The following IPO11 variants were observed in gnomAD, a reference collection of about 807,000 sequenced individuals.
The protein encoded by IPO11 is importin 11, also known as importin-11.
Under a neutral mutation model 143.2 loss-of-function variants are expected in IPO11, and 66 were observed. The observed-to-expected ratio is 0.46, with a 90% CI of 0.38 to 0.57. The LOEUF is 0.57. Among genes scored for constraint, IPO11 ranks in the 20% least tolerant of loss-of-function variants. IPO11 has a pLI of 0.00. For synonymous variants in IPO11, 385 were observed against 377.8 expected, an observed-to-expected ratio of 1.02 and a Z score of -0.22; for missense variants, 1,026 against 1,141.0, an observed-to-expected ratio of 0.90 and a Z score of 1.45.
At chr5:62,429,624 G>A (rs1300694552) in intron 1 of IPO11, among the ~76,000 whole-genome samples, 1 of 145,638 alleles carries the variant, frequency 6.9e-6, no homozygotes, top group African/African-American at 2.7e-5. Context: ...GTGTGTGTGT[G>A]TGTATGTGTT....
chr5:62,481,051 G>T (rs181702229), intron 9 of IPO11, among the ~76,000 whole-genome samples: 132 of 151,424 alleles, frequency 8.7e-4, no homozygotes, highest in African/African-American at 3.1e-3. Flanking sequence ...GAGTAGCTGG[G>T]ACTACAGGCA....
chr5:62,420,468 A>T (rs1743473032), intron 1 of IPO11, among the ~76,000 whole-genome samples: 1 of 152,034 alleles, frequency 6.6e-6, no homozygotes, highest in African/African-American at 2.4e-5. Flanking sequence ...GAGTAATGTG[A>T]TTTACTACGA....
intron 24 of IPO11, among the ~76,000 whole-genome samples, chr5:62,537,848 T>G (rs1422116451): frequency 1.3e-5 from 2 of 151,998 alleles, no homozygotes; most frequent in African/African-American, 4.8e-5. Context: ...TATATTTACA[T>G]ATAAACATAA....
rs565436215 is a variant in IPO11 at position 62,582,042 on chromosome 5, G to A, written c.2583-9535G>A. 6.6e-5 allele frequency among the ~76,000 whole-genome samples: 10 copies of A among 152,280 alleles called. No individual in the cohort carries two copies. In the South Asian group the frequency reaches 1.7e-3, roughly 25 times the overall value. ...GCTGGTGTCGTGAATGATGGTGTGC[G>A]ATTTAAAGCCCGAAAGAGAGATCAG... On this transcript the variant is annotated intron_variant, in intron 27 of 29. Coordinates refer to ENST00000325324, the MANE Select transcript of IPO11 (RefSeq NM_016338.5).
intron 27 of IPO11, among the ~76,000 whole-genome samples, chr5:62,582,145 GA>G (rs958500311): frequency 2.0e-5 from 3 of 152,212 alleles, no homozygotes; most frequent in African/African-American, 7.2e-5. Context: ...GCAGTAGAGT[GA>G]AATGATTAGA....
chr5:62,473,900 C>G (rs1745870610), intron 7 of IPO11, among the ~76,000 whole-genome samples: 1 of 152,114 alleles, frequency 6.6e-6, no homozygotes, highest in Non-Finnish European at 1.5e-5. Flanking sequence ...GTGTCATATA[C>G]TTGAAGTTAA....
intron 24 of IPO11, among the ~76,000 whole-genome samples, chr5:62,548,446 G>GTAAT (rs1743283770): frequency 6.6e-6 from 1 of 152,030 alleles, no homozygotes; most frequent in Non-Finnish European, 1.5e-5. Flanking sequence ...ATGAGGTGCC[G>GTAAT]TAATGTAAGT....
At chr5:62,452,487 GA>G (rs1744969056) in intron 5 of IPO11, among the ~76,000 whole-genome samples, 1 of 150,962 alleles carries the variant, frequency 6.6e-6, no homozygotes. Context: ...TAGGTCTCTT[GA>G]ATGAAGCTGT....
chr5:62,620,164 G>A (rs1156303481), intron 29 of IPO11, among the ~76,000 whole-genome samples: 1 of 152,128 alleles, frequency 6.6e-6, no homozygotes, highest in African/African-American at 2.4e-5. Flanking sequence ...TGCCCAAGGT[G>A]GTTGGGATAC....
chr5:62,474,609 A>C, intron 8 of IPO11, 145 bp downstream of exon 8: 2 of 635,224 alleles, frequency 3.1e-6, no homozygotes, highest in South Asian at 4.3e-5. Flanking sequence ...ATCTAGAGAA[A>C]GTGTCTTGTC....
chr5:62,435,597 T>C (rs1744196661), intron 1 of IPO11, among the ~76,000 whole-genome samples: 1 of 151,500 alleles, frequency 6.6e-6, no homozygotes, highest in African/African-American at 2.4e-5. Flanking sequence ...TAATCTGGGC[T>C]GCGCATGGTG....
intron 27 of IPO11, among the ~76,000 whole-genome samples, chr5:62,582,964 A>G (rs192843623): frequency 6.3e-4 from 96 of 152,320 alleles, no homozygotes; most frequent in African/African-American, 2.2e-3. Flanking sequence ...TAGAAATTGC[A>G]TAAATAAAGC....
At chr5:62,581,522 T>C (rs1744565930) in intron 27 of IPO11, 2 of 451,580 alleles carry the variant, frequency 4.4e-6, no homozygotes, top group Non-Finnish European at 7.9e-6. Flanking sequence ...CTAACATTTC[T>C]GTGTATCAAG....
intron 27 of IPO11, among the ~76,000 whole-genome samples, chr5:62,584,183 G>C (rs1483641620): frequency 6.6e-6 from 1 of 151,990 alleles, no homozygotes; most frequent in Non-Finnish European, 1.5e-5. Context: ...TTATTTCTGG[G>C]ATGTAAAACT....
intron 16 of IPO11, among the ~76,000 whole-genome samples, chr5:62,500,949 A>G (rs980610148): frequency 2.0e-5 from 3 of 152,078 alleles, no homozygotes; most frequent in Admixed American, 1.3e-4. Flanking sequence ...TTATGAGACT[A>G]CGTTTGTAAA....
chr5:62,517,152 C>T (rs34562047), intron 20 of IPO11, among the ~76,000 whole-genome samples: 88,590 of 151,580 alleles, frequency 0.58, 26,152 homozygotes, highest in South Asian at 0.68. Flanking sequence ...AAGCCGAGAT[C>T]GCGCCACTGC....
At chr5:62,459,644 G>C (rs776501761) in intron 5 of IPO11, among the ~76,000 whole-genome samples, 1 of 151,790 alleles carries the variant, frequency 6.6e-6, no homozygotes, top group African/African-American at 2.4e-5. Context: ...TCTGCCTCCC[G>C]GGTTCAAGCA....
chr5:62,477,344 C>T (rs1482924337), intron 9 of IPO11, among the ~76,000 whole-genome samples: 2 of 152,156 alleles, frequency 1.3e-5, no homozygotes, highest in Non-Finnish European at 2.9e-5. Context: ...TACTTGAAGA[C>T]AGGTGGGAAC....
chr5:62,547,900 G>A (rs897691358), intron 24 of IPO11, among the ~76,000 whole-genome samples: 1 of 151,798 alleles, frequency 6.6e-6, no homozygotes, highest in African/African-American at 2.4e-5. Context: ...AGATATATAA[G>A]GTTTCTTAAA....
Sources: allele counts gnomAD v4.1 joint callset (sites outside exome capture counted in the v4.1 genomes callset), GRCh38; gene constraint gnomAD v4.1.1; transcripts MANE v1.5; gene names NCBI Gene and HGNC (gene_info 2026-07-23, HGNC 2026-07-21).